The following TET1 variants were observed in gnomAD, a reference collection of about 807,000 sequenced individuals.
TET1 encodes tet methylcytosine dioxygenase 1, also known as methylcytosine dioxygenase TET1.
TET1 carries 13 observed loss-of-function variants against 148.7 expected under a neutral mutation model. The ratio of observed to expected loss-of-function variants is 0.09; its 90% confidence interval spans 0.06 to 0.14. The LOEUF is 0.14. Ranked by LOEUF, TET1 falls within the 10% of genes least tolerant of loss-of-function variation. The probability of loss-of-function intolerance (pLI) is 1.00; values close to 1 mark genes in which losing one functional copy is unlikely to be tolerated. For missense variants in TET1, 2,182 were observed against 2,553.8 expected (o/e 0.85, Z 3.14); for synonymous variants, 907 against 937.2 (o/e 0.97, Z 0.59).
chr10:68,579,822 G>T (rs1023020134), intron 2 of TET1, among the ~76,000 whole-genome samples: 17 of 152,024 alleles, frequency 1.1e-4, no homozygotes, highest in African/African-American at 3.9e-4. Context: ...GTATACGACT[G>T]CATACATTTC....
At chr10:68,653,229 C>T (rs568836443) in intron 6 of TET1, among the ~76,000 whole-genome samples, 1 of 151,916 alleles carries the variant, frequency 6.6e-6, no homozygotes, top group Non-Finnish European at 1.5e-5. Context: ...TAGCTATGTA[C>T]ACTTCTCCAG....
Position 68,682,093 on chromosome 10 carries a change from C to CTTTTTTTT in TET1, c.4914+622_4914+629dup, listed in dbSNP as rs386371716. ...TAATTGGACTTTTTATTGATCTACT[C>CTTTTTTTT]TTTTTTTTTTTTTTTTTTTTTTTTG... On this transcript the variant is annotated intron_variant, in intron 9 of 11. Coordinates refer to ENST00000373644, the MANE Select transcript of TET1 (RefSeq NM_030625.3). 1.7e-3 allele frequency among the ~76,000 whole-genome samples: 117 copies of CTTTTTTTT among 67,074 alleles called. 13 individuals carry two copies. Among genetic ancestry groups the CTTTTTTTT allele is most frequent in the African/African-American group, 2.5e-3 (41 of 16,290 alleles). The allele number at this position is 67,074 out of a possible 152,430, so 44.0% of individuals were successfully genotyped here.
chr10:68,672,749 A>G, intron 7 of TET1, 146 bp from the exon 8 acceptor site: 3 of 543,792 alleles, frequency 5.5e-6, no homozygotes, highest in East Asian at 3.2e-5. Flanking sequence ...TTAACATTAA[A>G]CTATTTTAAA....
At chr10:68,662,343 C>T (rs770745022) in intron 6 of TET1, among the ~76,000 whole-genome samples, 6 of 152,106 alleles carry the variant, frequency 3.9e-5, no homozygotes, top group Non-Finnish European at 8.8e-5. Context: ...AAACAAAATA[C>T]TAAGCTAAGA....
intron 4 of TET1, among the ~76,000 whole-genome samples, chr10:68,647,714 T>A (rs1042879232): frequency 2.0e-5 from 3 of 152,152 alleles, no homozygotes; most frequent in Admixed American, 2.0e-4. Context: ...TTTGTGTGTG[T>A]GAGATAGAAG....
chr10:68,656,923 G>C (rs2133134089), intron 6 of TET1, among the ~76,000 whole-genome samples: 1 of 152,016 alleles, frequency 6.6e-6, no homozygotes, highest in African/African-American at 2.4e-5. Context: ...CTACTCAGGA[G>C]GCTGAGGCAC....
At chr10:68,673,404 T>C (rs1008340822) in intron 8 of TET1, 1 of 392,160 alleles carries the variant, frequency 2.5e-6, no homozygotes. Flanking sequence ...CCCACAGACC[T>C]ACTATGAAAG....
At chr10:68,595,947 T>C (rs549594904) in intron 2 of TET1, among the ~76,000 whole-genome samples, 3,542 of 43,290 alleles carry the variant, frequency 0.082, 309 homozygotes, top group East Asian at 0.18. Flanking sequence ...TATATATATA[T>C]ATATATATAT....
chr10:68,644,114 A>G (rs2133080349), intron 3 of TET1, among the ~76,000 whole-genome samples: 1 of 152,116 alleles, frequency 6.6e-6, no homozygotes, highest in Admixed American at 6.5e-5. Flanking sequence ...CATATTGGCC[A>G]TGCTGGTCTT....
chr10:68,622,904 TC>T (rs562701310), intron 3 of TET1, among the ~76,000 whole-genome samples: 11 of 152,158 alleles, frequency 7.2e-5, no homozygotes, highest in African/African-American at 2.2e-4. Flanking sequence ...GTTTGGTACT[TC>T]CTCATAATTA....
At chr10:68,614,318 G>A (rs1053197521) in intron 3 of TET1, among the ~76,000 whole-genome samples, 17 of 152,012 alleles carry the variant, frequency 1.1e-4, no homozygotes, top group African/African-American at 3.9e-4. Flanking sequence ...ATTTCTAGGG[G>A]GAAATACTGA....
chr10:68,661,879 T>A (rs1014598877), intron 6 of TET1, among the ~76,000 whole-genome samples: 1 of 69,902 alleles, frequency 1.4e-5, no homozygotes, highest in Non-Finnish European at 2.5e-5. Context: ...AAATTTTTTT[T>A]CTTTTTTTTT....
intron 1 of TET1, among the ~76,000 whole-genome samples, chr10:68,566,487 C>CTT (rs201703777): frequency 1.9e-4 from 28 of 144,300 alleles, no homozygotes; most frequent in East Asian, 1.0e-3. Flanking sequence ...CAAGCCAAAA[C>CTT]TTTTTTTTTT....
At chr10:68,688,200 C>T (rs1422427529) in intron 11 of TET1, among the ~76,000 whole-genome samples, 2 of 152,092 alleles carry the variant, frequency 1.3e-5, no homozygotes, top group South Asian at 2.1e-4. Flanking sequence ...TTGATTCAAG[C>T]GATTCTCCTG....
At chr10:68,596,125 G>A (rs976386579) in intron 2 of TET1, among the ~76,000 whole-genome samples, 4 of 146,480 alleles carry the variant, frequency 2.7e-5, no homozygotes, top group African/African-American at 5.1e-5. Context: ...TACAAACTCC[G>A]CCTCCTGGGT....
intron 8 of TET1, chr10:68,673,549 T>C: frequency 4.3e-6 from 1 of 230,156 alleles, no homozygotes; most frequent in Middle Eastern, 5.6e-4. Context: ...TTATATATTA[T>C]ATTAAATTAA....
At position 68,596,141 on chromosome 10, in the gene TET1, C is replaced by T. The variant is rs550731641; in HGVS notation, c.1915-4840C>T. Among the ~76,000 whole-genome samples, 11 of 149,588 alleles carry T rather than the reference C, an allele frequency of 7.4e-5. No homozygotes were observed. In the South Asian group the frequency reaches 2.1e-3, roughly 29 times the overall value. On this transcript the variant is annotated intron_variant, in intron 2 of 11. Coordinates refer to ENST00000373644, the MANE Select transcript of TET1 (RefSeq NM_030625.3). ...ACAAACTCCGCCTCCTGGGTTCAAG[C>T]GATTCTCCTGCCTCAGGCTCCTGAG...
At chr10:68,617,172 C>A (rs1163895331) in intron 3 of TET1, among the ~76,000 whole-genome samples, 2 of 150,742 alleles carry the variant, frequency 1.3e-5, no homozygotes, top group African/African-American at 4.9e-5. Flanking sequence ...TAGGCGCCTG[C>A]CACCACGCCT....
intron 3 of TET1, among the ~76,000 whole-genome samples, chr10:68,623,728 C>A (rs889556110): frequency 1.3e-5 from 2 of 152,202 alleles, no homozygotes; most frequent in Non-Finnish European, 2.9e-5. Context: ...CAGTGTACAT[C>A]GAAACAGACC....
Sources: allele counts gnomAD v4.1 joint callset (sites outside exome capture counted in the v4.1 genomes callset), GRCh38; gene constraint gnomAD v4.1.1; transcripts MANE v1.5; gene names NCBI Gene and HGNC (gene_info 2026-07-23, HGNC 2026-07-21).